BRCA1: variants seen among roughly 807,000 people sequenced by gnomAD.
BRCA1 encodes the protein BRCA1 DNA repair associated, also known as breast cancer type 1 susceptibility protein.
A neutral mutation model predicts 173.7 loss-of-function variants in BRCA1; 140 were observed. That is an observed-to-expected ratio of 0.81 (90% CI 0.70 to 0.93). The LOEUF (loss-of-function observed/expected upper bound fraction) is 0.93, where lower values mean the gene tolerates loss of function less well. BRCA1 is among the 40% of genes least tolerant of loss of function. BRCA1 has a pLI of 0.00. For missense variants in BRCA1, 1,983 were observed against 2,172.5 expected, an observed-to-expected ratio of 0.91 and a Z score of 1.73; for synonymous variants, 662 against 756.0, an observed-to-expected ratio of 0.88 and a Z score of 2.04.
intron 6 of BRCA1, among the ~76,000 whole-genome samples, chr17:43,100,374 C>T (rs1483553098): frequency 6.7e-6 from 1 of 148,904 alleles, no homozygotes; most frequent in African/African-American, 2.5e-5. Flanking sequence ...CAGAGTCCTG[C>T]TCTGTCACCC....
chr17:43,067,803 G>A (rs533273196), intron 15 of BRCA1, 108 bp from the exon 16 acceptor site: 57 of 726,462 alleles, frequency 7.8e-5, no homozygotes, highest in South Asian at 4.6e-4. Context: ...AATCCTGCAC[G>A]TTCTACACGT....
In BRCA1 at chr17:43,146,691, G is replaced by GA. The variant is rs910306665; in HGVS notation, c.-19-22577dup. On this transcript the variant is annotated intron_variant, in intron 1 of 7. Coordinates refer to the BRCA1 transcript ENST00000634433. ...AACCAATAAAATCTCAATTATGAAA[G>GA]AAAAAAAAAGAAAAATAAGTAATTT... 3.4e-4 allele frequency among the ~76,000 whole-genome samples: 51 copies of GA among 149,992 alleles called. 2 individuals are homozygous for GA. In the East Asian group the frequency reaches 8.9e-3, roughly 26 times the overall value.
chr17:43,150,783 T>C (rs1021687916), intron 1 of BRCA1, among the ~76,000 whole-genome samples: 2 of 151,894 alleles, frequency 1.3e-5, no homozygotes, highest in African/African-American at 4.8e-5. Context: ...AGCTTGGAAG[T>C]GCAAAAAAAA....
At chr17:43,078,567 G>T (rs1247895101) in intron 12 of BRCA1, among the ~76,000 whole-genome samples, 9 of 152,164 alleles carry the variant, frequency 5.9e-5, no homozygotes, top group Non-Finnish European at 1.3e-4. Context: ...TTCATTTTGA[G>T]CTTTTATTAG....
intron 11 of BRCA1, among the ~76,000 whole-genome samples, chr17:43,087,414 G>C (rs1474295651): frequency 6.6e-6 from 1 of 152,176 alleles, no homozygotes. Context: ...TGTAACCCCA[G>C]CACTTTGGGA....
chr17:43,067,715 T>G lies in BRCA1; in HGVS notation c.4987-20A>C, dbSNP rs80358035. 2 of 1,584,398 alleles carry G rather than the reference T, an allele frequency of 1.3e-6. No homozygotes were observed. The highest frequency in any genetic ancestry group is 2.7e-5 in the African/African-American group (2 of 74,198). Reference sequence around the variant, plus strand: ...GAGCATCTGAAATTAAATCAAATATTCCATTATCATGAGTTACCTCTAGCA... The same window carrying G: ...GAGCATCTGAAATTAAATCAAATATGCCATTATCATGAGTTACCTCTAGCA... On this transcript the variant is annotated intron_variant, in intron 15 of 22. Coordinates refer to ENST00000357654, the MANE Select transcript of BRCA1 (RefSeq NM_007294.4).
chr17:43,082,812 G>C, intron 11 of BRCA1: 1 of 551,892 alleles, frequency 1.8e-6, no homozygotes, highest in East Asian at 3.1e-5. Context: ...AAATAGACTT[G>C]ATGTTATTGT....
upstream of BRCA1, among the ~76,000 whole-genome samples, chr17:43,128,919 A>G (rs1408486420): frequency 2.0e-5 from 3 of 151,714 alleles, no homozygotes; most frequent in African/African-American, 7.3e-5. Flanking sequence ...TGGCCTCCCA[A>G]AGTGCTGGGA....
At chr17:43,075,866 C>T (rs1038777576) in intron 13 of BRCA1, among the ~76,000 whole-genome samples, 3 of 151,940 alleles carry the variant, frequency 2.0e-5, no homozygotes, top group Non-Finnish European at 4.4e-5. Flanking sequence ...GCAAGGCGGG[C>T]GGACTACTTG....
Position 43,091,623 on chromosome 17 carries a change from A to G in BRCA1, c.3908T>C (p.Leu1303Ser), listed in dbSNP as rs2154277653. The G allele has an allele frequency of 6.2e-7, 1 of 1,614,216 alleles. No individual in the cohort carries two copies. The highest frequency in any genetic ancestry group is 8.5e-7 in the Non-Finnish European group (1 of 1,180,040). The change falls in exon 10 of 23, where the codon TTG becomes TCG. Residue 1303 changes from leucine (L) to serine (S), a missense_variant. Transcript: ENST00000357654. ...GTTTGTATTTGCAGTCAAGTCTTCCAATTCACTGCACTGTGAAGAAAACAA... is the reference window on the plus strand; with the variant it reads ...GTTTGTATTTGCAGTCAAGTCTTCCGATTCACTGCACTGTGAAGAAAACAA... ...ASLFSSQCSELEDLTANTNTQ... is the reference protein window; with the variant it reads ...ASLFSSQCSESEDLTANTNTQ...
chr17:43,062,764 T>G (rs2051821921), intron 18 of BRCA1, among the ~76,000 whole-genome samples: 1 of 149,564 alleles, frequency 6.7e-6, no homozygotes, highest in African/African-American at 2.5e-5. Context: ...CGCTGAGTAA[T>G]TTTTTGTATT....
intron 1 of BRCA1, chr17:43,140,367 G>A (rs1350184282): frequency 6.3e-6 from 1 of 158,750 alleles, no homozygotes; most frequent in African/African-American, 2.4e-5. Flanking sequence ...TCTAGCAAAT[G>A]GTCAAACCTG....
At chr17:43,062,271 A>T (rs1024078347) in intron 18 of BRCA1, among the ~76,000 whole-genome samples, 4 of 151,792 alleles carry the variant, frequency 2.6e-5, no homozygotes, top group East Asian at 1.9e-4. Flanking sequence ...TTAAAAAAAA[A>T]TTTTGTGGAG....
At chr17:43,058,049 A>T (rs1020680456) in intron 18 of BRCA1, among the ~76,000 whole-genome samples, 6 of 140,634 alleles carry the variant, frequency 4.3e-5, no homozygotes, top group Admixed American at 3.5e-4. Flanking sequence ...AAAAAAATTT[A>T]AGGCATTCAG....
intron 1 of BRCA1, among the ~76,000 whole-genome samples, chr17:43,168,404 G>A (rs547647060): frequency 5.9e-5 from 9 of 152,344 alleles, no homozygotes; most frequent in African/African-American, 1.9e-4. Flanking sequence ...TAGGGAGGCC[G>A]AGGCGGGCGG....
intron 19 of BRCA1, among the ~76,000 whole-genome samples, 162 bp from the exon 20 acceptor site, chr17:43,051,279 G>C (rs189304636): frequency 6.6e-6 from 1 of 152,182 alleles, no homozygotes; most frequent in Non-Finnish European, 1.5e-5. Flanking sequence ...ACTTCCCAGG[G>C]ACAAGCAGTC....
chr17:43,105,400 C>T (rs1324371096), intron 4 of BRCA1, among the ~76,000 whole-genome samples: 1 of 152,040 alleles, frequency 6.6e-6, no homozygotes, highest in Non-Finnish European at 1.5e-5. Flanking sequence ...CCACCATGTA[C>T]ATTTATTTAT....
At chr17:43,054,186 G>A (rs1162717535) in intron 19 of BRCA1, among the ~76,000 whole-genome samples, 1 of 152,158 alleles carries the variant, frequency 6.6e-6, no homozygotes, top group Non-Finnish European at 1.5e-5. Flanking sequence ...AGCATACAGT[G>A]GAGGAAAAAC....
intron 13 of BRCA1, among the ~76,000 whole-genome samples, chr17:43,075,585 C>T (rs557411042): frequency 6.6e-6 from 1 of 151,208 alleles, no homozygotes; most frequent in African/African-American, 2.4e-5. Flanking sequence ...TGTTTTGAGA[C>T]GGAGTCTTGC....
Sources: gnomAD v4.1 joint callset for allele counts (sites outside exome capture counted in the v4.1 genomes callset) on GRCh38, gnomAD v4.1.1 for gene constraint, MANE v1.5 for transcripts, NCBI Gene and HGNC (gene_info 2026-07-23, HGNC 2026-07-21) for gene names.